The following NFU1 variants were observed in gnomAD, a reference collection of about 807,000 sequenced individuals.
NFU1 encodes the protein NFU1 iron-sulfur cluster scaffold homolog, mitochondrial.
Under a neutral mutation model 32.2 loss-of-function variants are expected in NFU1, and 30 were observed. That is an observed-to-expected ratio of 0.93 (90% CI 0.70 to 1.26). The LOEUF (loss-of-function observed/expected upper bound fraction) is 1.26. Ranked by LOEUF, NFU1 falls within the 50% of genes most tolerant of loss-of-function variation. The pLI is 0.00. For synonymous variants in NFU1, 112 were observed against 104.6 expected (o/e 1.07, Z -0.43); for missense variants, 306 against 306.6 (o/e 1.00, Z 0.02).
chr2:69,411,838 C>T (rs1476077573), intron 5 of NFU1, among the ~76,000 whole-genome samples: 2 of 152,126 alleles, frequency 1.3e-5, no homozygotes, highest in Non-Finnish European at 2.9e-5. Context: ...ACACAATCTG[C>T]TGCCTTCACC....
At chr2:69,437,298 G>A (rs1673877334) in intron 1 of NFU1, 63 bp downstream of exon 1, 5 of 1,555,916 alleles carry the variant, frequency 3.2e-6, no homozygotes, top group Non-Finnish European at 4.3e-6. Context: ...CTGCAAGGCG[G>A]CGACCGCTCC....
At chr2:69,419,718 C>A in intron 3 of NFU1, 114 bp from the exon 4 acceptor site, 1 of 695,410 alleles carries the variant, frequency 1.4e-6, no homozygotes, top group Non-Finnish European at 2.6e-6. Context: ...GCAGCTTTAA[C>A]AATGATCAAC....
chr2:69,414,032 G>A (rs931727539), intron 5 of NFU1, among the ~76,000 whole-genome samples: 41 of 152,234 alleles, frequency 2.7e-4, no homozygotes, highest in African/African-American at 9.4e-4. Context: ...GGGCAACAGA[G>A]CAAGACTCTG....
upstream of NFU1, among the ~76,000 whole-genome samples, chr2:69,438,521 T>C (rs1440775007): frequency 6.6e-6 from 1 of 152,148 alleles, no homozygotes; most frequent in African/African-American, 2.4e-5. Flanking sequence ...CCCTCTCACC[T>C]GGGCCTCCAA....
chr2:69,426,204 T>C (rs1260328587), intron 2 of NFU1, among the ~76,000 whole-genome samples: 1 of 152,170 alleles, frequency 6.6e-6, no homozygotes, highest in Admixed American at 6.5e-5. Flanking sequence ...ACTCCTGGCC[T>C]CAGGCGATCC....
chr2:69,416,909 A>G (rs72907067), intron 4 of NFU1, among the ~76,000 whole-genome samples: 1 of 152,298 alleles, frequency 6.6e-6, no homozygotes, highest in African/African-American at 2.4e-5. Context: ...AAAAACAAAA[A>G]AAGGAAACAA....
chr2:69,406,171 T>C, intron 5 of NFU1, 89 bp from the exon 6 acceptor site: 1 of 778,420 alleles, frequency 1.3e-6, no homozygotes, highest in Non-Finnish European at 2.2e-6. Flanking sequence ...TTTAACTACA[T>C]GGTTCATTAA....
At position 69,431,914 on chromosome 2, in the gene NFU1, A is replaced by C. The variant is rs770513953; in HGVS notation, c.154T>G (p.Phe52Val). The C allele has an allele frequency of 1.6e-5, 25 of 1,609,808 alleles. No homozygotes were observed. The East Asian group carries it at 1.6e-4, about 10-fold the overall frequency. The change falls in exon 2 of 8, where the codon TTT (phenylalanine) becomes GTT (valine). Residue 52 changes from phenylalanine (F) to valine (V), a missense_variant. By Grantham distance (50) the Phe-to-Val change is conservative (BLOSUM62 -1). Transcript: ENST00000410022. ...GGTGAAATTTTACCTGGGTGATAAA[A>C]GGCTGCAGGTAGTGGGAAAAGTGGT... ...QRPLFPLPAA[F>V]YHPVRYMFIQ...
rs188612295 is a variant in NFU1, at chr2:69,409,132, G to A, written c.485-3050C>T. Among the ~76,000 whole-genome samples, 537 of 151,946 alleles carry A rather than the reference G, an allele frequency of 3.5e-3. 3 individuals carry two copies. Among genetic ancestry groups the A allele is most frequent in the African/African-American group, 0.012 (516 of 41,460 alleles). ...GCTGGGATTACAGGCGTTAGCCACCGCACCCAACCTAGCTTGTGCATTTTT... is the reference window on the plus strand; with the variant it reads ...GCTGGGATTACAGGCGTTAGCCACCACACCCAACCTAGCTTGTGCATTTTT... On this transcript the variant is annotated intron_variant, in intron 5 of 7. Coordinates refer to ENST00000410022, the MANE Select transcript of NFU1 (RefSeq NM_001002755.4).
upstream of NFU1, among the ~76,000 whole-genome samples, chr2:69,439,258 C>T (rs1011239713): frequency 2.6e-5 from 4 of 152,094 alleles, no homozygotes; most frequent in East Asian, 1.9e-4. Flanking sequence ...CTACTGTGTC[C>T]GGAATTGGTG....
At chr2:69,409,752 G>GT (rs1672816735) in intron 5 of NFU1, among the ~76,000 whole-genome samples, 1 of 152,018 alleles carries the variant, frequency 6.6e-6, no homozygotes, top group Non-Finnish European at 1.5e-5. Context: ...AACTAATAGA[G>GT]TAAGAACTCA....
chr2:69,423,757 C>A lies in NFU1; in HGVS notation c.167-40G>T, dbSNP rs777266388. 5 of 1,470,266 alleles carry A rather than the reference C, an allele frequency of 3.4e-6. No individual in the cohort carries two copies. In the South Asian group the frequency reaches 5.8e-5, roughly 17 times the overall value. 91.1% of individuals were successfully genotyped at this position (1,470,266 alleles called of 1,614,324 possible). A position where few individuals can be genotyped will look rare whatever the true frequency, so the allele number is the denominator to read the frequency against. On this transcript the variant is annotated intron_variant, in intron 2 of 7. Coordinates refer to ENST00000410022, the MANE Select transcript of NFU1 (RefSeq NM_001002755.4). Reference sequence around the variant, plus strand: ...GAAGAAAATGTTATTCTAGAAAAAACAGTTAACAAGTTTATGGACTATGAA... The same window carrying A: ...GAAGAAAATGTTATTCTAGAAAAAAAAGTTAACAAGTTTATGGACTATGAA...
chr2:69,402,525 A>G (rs1055910790), intron 6 of NFU1, among the ~76,000 whole-genome samples: 1 of 152,098 alleles, frequency 6.6e-6, no homozygotes, highest in Non-Finnish European at 1.5e-5. Flanking sequence ...GACAGTCACA[A>G]TTTTACTGTA....
At chr2:69,408,861 CTTTTTTTTT>C (rs1173785443) in intron 5 of NFU1, among the ~76,000 whole-genome samples, 1 of 67,758 alleles carries the variant, frequency 1.5e-5, no homozygotes, top group Non-Finnish European at 2.7e-5. Context: ...CAGGCTTGTG[CTTTTTTTTT>C]TTTTTTTTTT....
At chr2:69,408,576 C>T (rs1302160187) in intron 5 of NFU1, among the ~76,000 whole-genome samples, 1 of 151,446 alleles carries the variant, frequency 6.6e-6, no homozygotes, top group Non-Finnish European at 1.5e-5. Flanking sequence ...AGAAATTAGC[C>T]GGGAGTGGTG....
intron 4 of NFU1, among the ~76,000 whole-genome samples, chr2:69,417,014 T>A (rs1387153909): frequency 6.6e-6 from 1 of 152,154 alleles, no homozygotes; most frequent in African/African-American, 2.4e-5. Flanking sequence ...GAATGGAAAC[T>A]AGTTGTAGGT....
At chr2:69,406,173 G>A in intron 5 of NFU1, 91 bp from the exon 6 acceptor site, 1 of 768,012 alleles carries the variant, frequency 1.3e-6, no homozygotes, top group Non-Finnish European at 2.3e-6. Flanking sequence ...TAACTACATG[G>A]TTCATTAAAA....
intron 6 of NFU1, among the ~76,000 whole-genome samples, chr2:69,401,843 A>G (rs1415099580): frequency 6.6e-6 from 1 of 152,034 alleles, no homozygotes; most frequent in East Asian, 1.9e-4. Flanking sequence ...ATTCACAATA[A>G]CTAATGAGGT....
intron 4 of NFU1, 82 bp from the exon 5 acceptor site, chr2:69,415,381 CT>C (rs34747434): frequency 0.078 from 45,201 of 576,420 alleles, no homozygotes; most frequent in Middle Eastern, 0.095. Context: ...CCTCTTTTTT[CT>C]TTTTTTTTTT....
Sources: gnomAD v4.1 joint callset for allele counts (sites outside exome capture counted in the v4.1 genomes callset) on GRCh38, gnomAD v4.1.1 for gene constraint, MANE v1.5 for transcripts, NCBI Gene and HGNC (gene_info 2026-07-23, HGNC 2026-07-21) for gene names.